LIN28B: variants seen among roughly 807,000 people sequenced by gnomAD.
LIN28B encodes lin-28 RNA binding posttranscriptional regulator B, also known as protein lin-28 homolog B.
In LIN28B, 5 loss-of-function variants were observed where a neutral mutation model predicts 21.9. The ratio of observed to expected loss-of-function variants is 0.23; its 90% CI spans 0.12 to 0.48. The LOEUF is 0.48. LIN28B is among the 20% of genes least tolerant of loss of function. The pLI, the probability that LIN28B is intolerant of heterozygous loss-of-function variation, is 0.98. For missense variants in LIN28B, 245 were observed against 310.5 expected, an observed-to-expected ratio of 0.79 and a Z score of 1.58; for synonymous variants, 109 against 111.3, an observed-to-expected ratio of 0.98 and a Z score of 0.13.
At chr6:105,045,083 TAGA>T (rs1771721709) in intron 3 of LIN28B, among the ~76,000 whole-genome samples, 1 of 152,236 alleles carries the variant, frequency 6.6e-6, no homozygotes, top group Non-Finnish European at 1.5e-5. Flanking sequence ...GGAGCAGTAA[TAGA>T]AGAAGCAGGT....
chr6:104,950,666 T>A (rs944518452), intron 3 of LIN28B, among the ~76,000 whole-genome samples: 1 of 152,096 alleles, frequency 6.6e-6, no homozygotes, highest in African/African-American at 2.4e-5. Flanking sequence ...TTCGTCCTGA[T>A]CACTCCATCT....
At chr6:104,965,531 A>AT (rs1016477653) in intron 2 of LIN28B, among the ~76,000 whole-genome samples, 3 of 151,948 alleles carry the variant, frequency 2.0e-5, no homozygotes, top group African/African-American at 2.4e-5. Context: ...TAAAATTATT[A>AT]TTTTTTTTGA....
At chr6:104,948,034 T>A (rs950428400) in intron 2 of LIN28B, among the ~76,000 whole-genome samples, 4 of 152,156 alleles carry the variant, frequency 2.6e-5, no homozygotes, top group Non-Finnish European at 5.9e-5. Context: ...GAAAAAGAGC[T>A]CTAAGTAGAG....
At chr6:104,997,824 C>T (rs1770643856) in intron 2 of LIN28B, among the ~76,000 whole-genome samples, 1 of 152,144 alleles carries the variant, frequency 6.6e-6, no homozygotes, top group Admixed American at 6.5e-5. Context: ...CTAGCATCCC[C>T]ATTAGTGTTG....
chr6:105,067,463 G>C (rs574226672), intron 3 of LIN28B, among the ~76,000 whole-genome samples: 1 of 152,314 alleles, frequency 6.6e-6, no homozygotes, highest in Admixed American at 6.5e-5. Flanking sequence ...CACTGGCCGA[G>C]TACCCACTGC....
intron 3 of LIN28B, among the ~76,000 whole-genome samples, chr6:105,064,923 A>AT (rs540751614): frequency 7.9e-5 from 12 of 152,308 alleles, no homozygotes; most frequent in Non-Finnish European, 1.5e-4. Flanking sequence ...TAATAAAGCG[A>AT]TTTTTTTGGC....
intron 3 of LIN28B, among the ~76,000 whole-genome samples, chr6:105,073,976 G>C (rs1000511891): frequency 6.6e-6 from 1 of 152,078 alleles, no homozygotes; most frequent in African/African-American, 2.4e-5. Context: ...TCTAAATTCT[G>C]ATTTCTGAAT....
Position 105,081,888 on chromosome 6 carries a change from G to C in LIN28B, c.*3105G>C, listed in dbSNP as rs1185165022. ...CCAGGCACATAACTAACTAGCACTG[G>C]CTTGCCAAGGAATGAACATGCAATG... On this transcript the variant is annotated 3_prime_UTR_variant, in exon 4 of 4. Coordinates refer to ENST00000345080, the MANE Select transcript of LIN28B (RefSeq NM_001004317.4). The C allele has an allele frequency of 6.6e-6, 1 of 152,650 alleles. No homozygotes were observed. The highest frequency in any genetic ancestry group is 1.5e-5 in the Non-Finnish European group (1 of 68,058). The allele number at this position is 152,650 out of a possible 1,614,324, so 9.5% of individuals were successfully genotyped here. A position where few individuals can be genotyped will look rare whatever the true frequency, so the allele number is the denominator to read the frequency against.
At chr6:104,957,375 G>A in intron 1 of LIN28B, 115 bp downstream of exon 1, 1 of 611,520 alleles carries the variant, frequency 1.6e-6, no homozygotes, top group Non-Finnish European at 2.7e-6. Context: ...CCCAATACTG[G>A]GCATTACCTC....
chr6:105,051,578 T>A (rs1382746756), intron 3 of LIN28B, among the ~76,000 whole-genome samples: 3 of 152,130 alleles, frequency 2.0e-5, no homozygotes, highest in Non-Finnish European at 4.4e-5. Context: ...TAGAAAGACG[T>A]ATACTCTGAG....
At chr6:104,977,857 C>G (rs1436502590) in intron 2 of LIN28B, among the ~76,000 whole-genome samples, 1 of 151,988 alleles carries the variant, frequency 6.6e-6, no homozygotes, top group Non-Finnish European at 1.5e-5. Context: ...TGAGCCACCG[C>G]ACCCGACCAG....
At chr6:104,991,700 C>A (rs1770484137) in intron 2 of LIN28B, among the ~76,000 whole-genome samples, 2 of 152,176 alleles carry the variant, frequency 1.3e-5, no homozygotes, top group Non-Finnish European at 1.5e-5. Flanking sequence ...GAGATCACGC[C>A]ACTGCACTCC....
In LIN28B at chr6:104,958,112, AGGT is replaced by A. The variant is rs886258136; in HGVS notation, c.30_32del (p.Gly11del). On this transcript the variant is annotated inframe_deletion, in exon 2 of 4. Coordinates refer to ENST00000345080, the MANE Select transcript of LIN28B (RefSeq NM_001004317.4). ...GTTCCTTCTCAGGCGGGGCTAGCAA[AGGT>A]GGTGGAGAAGAGCCCGGGAAGCTGC... 1.2e-5 allele frequency: 19 copies of A among 1,589,188 alleles called. No homozygotes were observed. Among genetic ancestry groups the A allele is most frequent in the Middle Eastern group, 1.8e-4 (1 of 5,702 alleles).
chr6:104,978,730 C>G (rs1770159062), intron 2 of LIN28B, among the ~76,000 whole-genome samples: 1 of 152,036 alleles, frequency 6.6e-6, no homozygotes, highest in African/African-American at 2.4e-5. Context: ...AAATTGGCAC[C>G]AAAGATTTTT....
In LIN28B at chr6:104,945,635, A is replaced by G. The variant is rs574621092; in HGVS notation, c.19-4826A>G. On this transcript the variant is annotated intron_variant, in intron 2 of 5. Transcript: ENST00000635857. ...ATTTTGATCTTTTTGATTTGAAACC[A>G]CTATCGCTTTCTTTTACTTTTCTTC... is the stretch of plus-strand genomic sequence containing the variant. Among the ~76,000 whole-genome samples the G allele has an allele frequency of 5.9e-5, 9 of 152,214 alleles. No homozygotes were observed. In the South Asian group the frequency reaches 1.7e-3, roughly 28 times the overall value.
At chr6:105,014,326 T>C (rs112252708) in intron 2 of LIN28B, among the ~76,000 whole-genome samples, 1 of 152,082 alleles carries the variant, frequency 6.6e-6, no homozygotes, top group Non-Finnish European at 1.5e-5. Context: ...TTAAAAAATA[T>C]TTTATTTTTT....
intron 2 of LIN28B, among the ~76,000 whole-genome samples, chr6:104,982,627 C>T (rs1770250377): frequency 6.6e-6 from 1 of 152,050 alleles, no homozygotes; most frequent in African/African-American, 2.4e-5. Context: ...CCACCCCTCC[C>T]ATTTTGAGAA....
intron 1 of LIN28B, 145 bp from the exon 2 acceptor site, chr6:104,957,954 A>T: frequency 6.5e-6 from 3 of 464,376 alleles, no homozygotes; most frequent in Admixed American, 3.6e-5. Flanking sequence ...TTTTCTGTGG[A>T]GAAAAGAAAT....
At chr6:104,998,125 CAG>C (rs1008098357) in intron 2 of LIN28B, among the ~76,000 whole-genome samples, 2 of 152,032 alleles carry the variant, frequency 1.3e-5, no homozygotes, top group African/African-American at 4.8e-5. Flanking sequence ...CATACAATAA[CAG>C]AATATTAAAA....
Sources: allele counts gnomAD v4.1 joint callset (sites outside exome capture counted in the v4.1 genomes callset), GRCh38; gene constraint gnomAD v4.1.1; transcripts MANE v1.5; gene names NCBI Gene and HGNC (gene_info 2026-07-23, HGNC 2026-07-21).